Variants in SNRPN observed in about 807,000 individuals in gnomAD.
SNRPN encodes the protein small nuclear ribonucleoprotein polypeptide N.
In SNRPN, 7 loss-of-function variants were observed where a neutral mutation model predicts 25.2. That is an observed-to-expected ratio of 0.28 (90% CI 0.16 to 0.52). The LOEUF (loss-of-function observed/expected upper bound fraction) is 0.52, where lower values mean the gene tolerates loss of function less well. Among genes scored for constraint, SNRPN ranks in the 20% least tolerant of loss-of-function variants. The pLI, the probability that SNRPN is intolerant of heterozygous loss-of-function variation, is 0.96. For synonymous variants in SNRPN, 124 were observed against 110.6 expected, an observed-to-expected ratio of 1.12 and a Z score of -0.76; for missense variants, 196 against 322.5, an observed-to-expected ratio of 0.61 and a Z score of 3.00.
At chr15:24,908,004 G>A (rs1307556372) in intron 2 of SNRPN, among the ~76,000 whole-genome samples, 1 of 121,854 alleles carries the variant, frequency 8.2e-6, no homozygotes, top group Admixed American at 1.1e-4. Flanking sequence ...GGTGAGCCAA[G>A]ATTGCACCAC....
At chr15:24,847,791 G>A (rs2052338628) in intron 2 of SNRPN, among the ~76,000 whole-genome samples, 1 of 152,132 alleles carries the variant, frequency 6.6e-6, no homozygotes, top group Non-Finnish European at 1.5e-5. Context: ...TATGCTAATT[G>A]ATTTACAAAT....
chr15:24,849,585 A>G (rs2052612228), intron 2 of SNRPN: 1 of 152,248 alleles, frequency 6.6e-6, no homozygotes, highest in Non-Finnish European at 1.5e-5. Flanking sequence ...CAGCTAGGTA[A>G]AAGAAGTAAC....
Position 24,972,767 on chromosome 15 carries a change from T to G in SNRPN, c.-143-1544T>G, listed in dbSNP as rs1054487191. ...TAAATAATGGAGAAAAGGGAAACAT[T>G]ATGCATGCTTGATTACGGTCATGAG... On this transcript the variant is annotated intron_variant, in intron 3 of 9. Transcript: ENST00000390687. Among the ~76,000 whole-genome samples the G allele has an allele frequency of 2.7e-5, 4 of 149,406 alleles. No homozygotes were observed. The Admixed American group carries it at 2.7e-4, about 10-fold the overall frequency.
exon 2 of SNRPN, chr15:24,829,872 G>T (rs2050376582): frequency 6.6e-6 from 1 of 152,114 alleles, no homozygotes; most frequent in South Asian, 2.1e-4. Flanking sequence ...TACACCACAG[G>T]GTGAGAGCAT....
intron 1 of SNRPN, among the ~76,000 whole-genome samples, chr15:24,957,406 TTTAAA>T (rs2063110542): frequency 6.6e-6 from 1 of 152,218 alleles, no homozygotes; most frequent in Non-Finnish European, 1.5e-5. Context: ...TTTTTGGATT[TTTAAA>T]TTAATGATCA....
intron 2 of SNRPN, among the ~76,000 whole-genome samples, chr15:24,907,777 A>C (rs2058927639): frequency 2.0e-5 from 3 of 150,970 alleles, no homozygotes; most frequent in Admixed American, 2.0e-4. Flanking sequence ...AGAGTAGGCC[A>C]GGCGCGGTGG....
At chr15:24,957,094 A>C (rs2063059035) in intron 1 of SNRPN, among the ~76,000 whole-genome samples, 1 of 151,904 alleles carries the variant, frequency 6.6e-6, no homozygotes, top group Non-Finnish European at 1.5e-5. Context: ...CCTTTTTTTT[A>C]ACTCCCTGTA....
At chr15:24,826,994 A>G (rs1498306) in intron 1 of SNRPN, among the ~76,000 whole-genome samples, 121,238 of 151,740 alleles carry the variant, frequency 0.8, 49,077 homozygotes, top group East Asian at 0.91. Context: ...CAATGATAAC[A>G]CGATGGTGTC....
intron 2 of SNRPN, among the ~76,000 whole-genome samples, chr15:24,904,709 G>A (rs1312699388): frequency 3.3e-5 from 5 of 150,920 alleles, no homozygotes; most frequent in Non-Finnish European, 7.4e-5. Flanking sequence ...GGGCACAGTG[G>A]CTCACTTCTG....
At chr15:24,894,852 G>T (rs554158867) in intron 2 of SNRPN, among the ~76,000 whole-genome samples, 8 of 152,206 alleles carry the variant, frequency 5.3e-5, no homozygotes, top group African/African-American at 1.9e-4. Context: ...CTTTCTCGTT[G>T]CCAGAAACTT....
At chr15:24,858,349 G>A (rs2053631175) in intron 1 of SNRPN, among the ~76,000 whole-genome samples, 1 of 152,134 alleles carries the variant, frequency 6.6e-6, no homozygotes, top group African/African-American at 2.4e-5. Context: ...AGTCAGTTAG[G>A]TCAGATCTCT....
intron 2 of SNRPN, among the ~76,000 whole-genome samples, chr15:24,901,266 C>A (rs1182074255): frequency 6.6e-6 from 1 of 152,048 alleles, no homozygotes; most frequent in Non-Finnish European, 1.5e-5. Flanking sequence ...GTTTTAAAGG[C>A]CAGTGAGGGA....
At chr15:24,889,251 T>C (rs1266212882) in intron 2 of SNRPN, among the ~76,000 whole-genome samples, 1 of 151,308 alleles carries the variant, frequency 6.6e-6, no homozygotes, top group Non-Finnish European at 1.5e-5. Context: ...AAAAGAAAAT[T>C]TGATTTATTT....
At chr15:24,967,581 G>C (rs895042481) in intron 2 of SNRPN, among the ~76,000 whole-genome samples, 2 of 151,742 alleles carry the variant, frequency 1.3e-5, no homozygotes, top group Non-Finnish European at 2.9e-5. Flanking sequence ...GGCGGAGCTT[G>C]CAGTGAGCCC....
chr15:24,919,594 A>G (rs556695134), intron 2 of SNRPN, among the ~76,000 whole-genome samples: 111 of 152,244 alleles, frequency 7.3e-4, no homozygotes, highest in African/African-American at 2.5e-3. Context: ...TGTGAATGGA[A>G]AATTACCAAT....
At position 24,929,458 on chromosome 15, in the gene SNRPN, G is replaced by T. The variant is rs1255091618; in HGVS notation, c.-391+9334G>T. 6.6e-6 allele frequency among the ~76,000 whole-genome samples: 1 copy of T among 152,112 alleles called. No individual in the cohort carries two copies. Among genetic ancestry groups the T allele is most frequent in the Non-Finnish European group, 1.5e-5 (1 of 68,022 alleles). ...TTTTAAAATTTTCAGATAAATGTAA[G>T]CAGGCTTCTGCAGTGAAAGGGGCCA... is the stretch of plus-strand genomic sequence containing the variant. On this transcript the variant is annotated intron_variant, in intron 3 of 11. Transcript: ENST00000400097. This position sits in a 1 kb window ranked among gnomAD's most constrained non-coding sequence, Gnocchi z 5.3.
At chr15:24,957,353 A>G (rs1338243152) in intron 1 of SNRPN, among the ~76,000 whole-genome samples, 3 of 152,152 alleles carry the variant, frequency 2.0e-5, no homozygotes, top group Non-Finnish European at 2.9e-5. Flanking sequence ...AGTGGAGACA[A>G]TCTTATTGGG....
Position 24,978,290 on chromosome 15 carries a change from A to G in SNRPN, c.657A>G (p.Gly219=), listed in dbSNP as rs375488054. Reference sequence around the variant, plus strand: ...CGCCAATAGGCATGCCGCCTCCGGGAATGAGACCCCCTCCACCAGGCATTA... The same window carrying G: ...CGCCAATAGGCATGCCGCCTCCGGGGATGAGACCCCCTCCACCAGGCATTA... ...RGTPIGMPPP[G]MRPPPPGIRG... is the part of the protein sequence containing the mutation. Residue 219 remains glycine, a synonymous_variant, in exon 9 of 10, where the codon GGA becomes GGG. Transcript: ENST00000390687. 48 of 1,614,106 alleles carry G rather than the reference A, an allele frequency of 3.0e-5. No individual in the cohort carries two copies. In the African/African-American group the frequency reaches 6.0e-4, roughly 20 times the overall value.
chr15:24,895,496 T>G (rs1342079543), intron 2 of SNRPN, among the ~76,000 whole-genome samples: 2 of 151,836 alleles, frequency 1.3e-5, no homozygotes, highest in Non-Finnish European at 2.9e-5. Flanking sequence ...ACATTTAATT[T>G]TGGATGACTG....
Sources: gnomAD v4.1 joint callset for allele counts (sites outside exome capture counted in the v4.1 genomes callset) on GRCh38, gnomAD v4.1.1 for gene constraint, Gnocchi (gnomAD v3.1) non-coding constraint, MANE v1.5 for transcripts, NCBI Gene and HGNC (gene_info 2026-07-23, HGNC 2026-07-21) for gene names.